Variants in GRIK4 observed in about 807,000 individuals in gnomAD.
The protein encoded by GRIK4 is glutamate ionotropic receptor kainate type subunit 4.
A neutral mutation model predicts 104.9 loss-of-function variants in GRIK4; 40 were observed. That is an observed-to-expected ratio of 0.38 (90% confidence interval 0.30 to 0.50). The LOEUF is 0.50. Among genes scored for constraint, GRIK4 ranks in the 20% least tolerant of loss-of-function variants. The pLI, the probability that GRIK4 is intolerant of heterozygous loss-of-function variation, is 0.93. For missense variants in GRIK4, 1,047 were observed against 1,308.1 expected (o/e 0.80, Z 3.08); for synonymous variants, 485 against 524.9 (o/e 0.92, Z 1.04).
At chr11:120,575,978 A>G (rs1446563062) in intron 1 of GRIK4, 1 of 151,942 alleles carries the variant, frequency 6.6e-6, no homozygotes, top group Non-Finnish European at 1.5e-5. Context: ...AAAAAATGCC[A>G]TCCAGACGGC....
intron 1 of GRIK4, among the ~76,000 whole-genome samples, chr11:120,575,586 G>C (rs537300313): frequency 1.3e-5 from 2 of 152,066 alleles, no homozygotes; most frequent in African/African-American, 2.4e-5. Flanking sequence ...GGGTGTGTGC[G>C]TGGGTTTGGG....
At chr11:120,951,493 A>T (rs1466452298) in intron 14 of GRIK4, among the ~76,000 whole-genome samples, 1 of 152,224 alleles carries the variant, frequency 6.6e-6, no homozygotes. Flanking sequence ...TGATAGTGAC[A>T]GTAGGTTGCG....
chr11:120,611,208 G>A (rs1473642631), intron 1 of GRIK4, among the ~76,000 whole-genome samples: 3 of 152,156 alleles, frequency 2.0e-5, no homozygotes, highest in Non-Finnish European at 4.4e-5. Flanking sequence ...CCACCCAGTA[G>A]CTCCAAAGTG....
chr11:120,826,178 T>C (rs1381630301), intron 6 of GRIK4, among the ~76,000 whole-genome samples: 1 of 152,158 alleles, frequency 6.6e-6, no homozygotes, highest in Non-Finnish European at 1.5e-5. Context: ...ACATTCTCAT[T>C]ATATGCAGAA....
intron 16 of GRIK4, among the ~76,000 whole-genome samples, chr11:120,957,467 G>A (rs1034013886): frequency 3.3e-5 from 5 of 152,184 alleles, no homozygotes; most frequent in South Asian, 2.1e-4. Context: ...AACTCTTGTC[G>A]TTCAGAGTTG....
chr11:120,840,995 C>A (rs756529198), intron 8 of GRIK4, among the ~76,000 whole-genome samples: 10 of 152,122 alleles, frequency 6.6e-5, no homozygotes, highest in Admixed American at 1.3e-4. Context: ...CAATATTTAT[C>A]TTTTGTGTCT....
chr11:120,562,950 C>T (rs1948258560), intron 1 of GRIK4, among the ~76,000 whole-genome samples: 1 of 152,090 alleles, frequency 6.6e-6, no homozygotes, highest in Admixed American at 6.5e-5. Flanking sequence ...AGTGGGGGAC[C>T]CTATTTTGGC....
At chr11:120,851,611 G>A (rs1452947907) in intron 8 of GRIK4, among the ~76,000 whole-genome samples, 4 of 152,190 alleles carry the variant, frequency 2.6e-5, no homozygotes, top group African/African-American at 9.7e-5. Flanking sequence ...AGACACTCAT[G>A]TTTTTGTTGA....
intron 19 of GRIK4, among the ~76,000 whole-genome samples, chr11:120,971,252 CT>C (rs751253167): frequency 2.0e-5 from 3 of 152,290 alleles, no homozygotes; most frequent in Non-Finnish European, 2.9e-5. Context: ...ATTTTCCCCC[CT>C]ATAGACAATA....
intron 2 of GRIK4, among the ~76,000 whole-genome samples, chr11:120,654,192 A>G (rs1459633463): frequency 6.6e-6 from 1 of 152,142 alleles, no homozygotes; most frequent in Admixed American, 6.5e-5. Context: ...GTGATTGCAT[A>G]TGGTTAGACA....
Position 120,956,834 on chromosome 11 carries a change from C to A in GRIK4, c.1755C>A (p.Asn585Lys). The A allele has an allele frequency of 1.2e-6, 2 of 1,613,932 alleles. No individual in the cohort carries two copies. Among genetic ancestry groups the A allele is most frequent in the Non-Finnish European group, 1.7e-6 (2 of 1,179,896 alleles). The change falls in exon 16 of 21, where the codon AAC (asparagine) becomes AAA (lysine). Residue 585 changes from asparagine to lysine, a missense_variant. Physicochemically the swap from Asn to Lys is moderately conservative, Grantham distance 94. Coordinates refer to ENST00000527524, the MANE Select transcript of GRIK4 (RefSeq NM_014619.5). This position sits in a 1 kb window ranked among gnomAD's most constrained non-coding sequence, Gnocchi z 4.6. ...ACCCATGTGCCCAGGGCCGGTGCAA[C>A]CTCCTGGTGAACCAGTACTCCCTGG... ...SPHPCAQGRC[N>K]LLVNQYSLGN...
chr11:120,794,224 T>A (rs12272439), intron 3 of GRIK4, among the ~76,000 whole-genome samples: 1 of 124,518 alleles, frequency 8.0e-6, no homozygotes, highest in South Asian at 2.7e-4. Flanking sequence ...GTGAGGGAAG[T>A]TGTTAGGGTT....
chr11:120,644,188 A>G (rs1329264380), intron 1 of GRIK4, among the ~76,000 whole-genome samples: 1 of 152,122 alleles, frequency 6.6e-6, no homozygotes, highest in East Asian at 1.9e-4. Flanking sequence ...TATTTTTTAC[A>G]AGATCTTATG....
chr11:120,536,364 G>T (rs892019889), intron 1 of GRIK4, among the ~76,000 whole-genome samples: 1 of 152,122 alleles, frequency 6.6e-6, no homozygotes, highest in Non-Finnish European at 1.5e-5. Context: ...GTCTTAGCTG[G>T]GGGGTGTCTT....
intron 3 of GRIK4, among the ~76,000 whole-genome samples, chr11:120,780,210 G>T (rs2846100): frequency 0.84 from 127,187 of 152,238 alleles, 53,706 homozygotes; most frequent in African/African-American, 0.96. Context: ...TAGTGTACAG[G>T]TCAGTAGTGT....
At chr11:120,653,013 C>G (rs933960263) in intron 1 of GRIK4, among the ~76,000 whole-genome samples, 1 of 144,090 alleles carries the variant, frequency 6.9e-6, no homozygotes, top group African/African-American at 2.5e-5. Flanking sequence ...GACATAATAG[C>G]AGGTGTGGCA....
chr11:120,783,409 C>A (rs1468835020), intron 3 of GRIK4, among the ~76,000 whole-genome samples: 1 of 152,128 alleles, frequency 6.6e-6, no homozygotes, highest in Non-Finnish European at 1.5e-5. Flanking sequence ...TTCTCTCCTG[C>A]CTTCCTCTTT....
At chr11:120,677,795 A>C (rs1222489083) in intron 3 of GRIK4, among the ~76,000 whole-genome samples, 20 of 152,220 alleles carry the variant, frequency 1.3e-4, no homozygotes, top group Non-Finnish European at 2.9e-4. Context: ...AGAGCAGAGT[A>C]AGAGAGAGGG....
intron 2 of GRIK4, among the ~76,000 whole-genome samples, chr11:120,658,836 C>A (rs187895447): frequency 1.3e-4 from 20 of 150,034 alleles, no homozygotes; most frequent in Non-Finnish European, 2.8e-4. Context: ...GCAAGCTCCA[C>A]CTCCCCGGTT....
Sources: allele counts gnomAD v4.1 joint callset (sites outside exome capture counted in the v4.1 genomes callset), GRCh38; gene constraint gnomAD v4.1.1; non-coding constraint Gnocchi (gnomAD v3.1); transcripts MANE v1.5; gene names NCBI Gene and HGNC (gene_info 2026-07-23, HGNC 2026-07-21).